ANKRD28: variants seen among roughly 807,000 people sequenced by gnomAD.
ANKRD28 encodes serine/threonine-protein phosphatase 6 regulatory ankyrin repeat subunit A.
In ANKRD28, 44 loss-of-function variants were observed where a neutral mutation model predicts 126.5. The observed-to-expected ratio is 0.35, with a 90% confidence interval of 0.27 to 0.45. ANKRD28 has a LOEUF of 0.45. Among genes scored for constraint, ANKRD28 ranks in the 20% least tolerant of loss-of-function variants. The pLI, the probability that ANKRD28 is intolerant of heterozygous loss-of-function variation, is 1.00. For synonymous variants in ANKRD28, 442 were observed against 468.5 expected (o/e 0.94, Z 0.73); for missense variants, 1,110 against 1,316.6 (o/e 0.84, Z 2.43).
At position 15,805,391 on chromosome 3, in the gene ANKRD28, C is replaced by CT. The variant is rs1031445746; in HGVS notation, c.28-10086dup. ...GAAAAGGACTCATCATTTTAGAGGT[C>CT]TTTTTTTTAAAGTTGTGATACTTTT... On this transcript the variant is annotated intron_variant, in intron 1 of 27. Coordinates refer to the ANKRD28 transcript ENST00000399451. Among the ~76,000 whole-genome samples the CT allele has an allele frequency of 2.1e-4, 32 of 151,712 alleles. 5 individuals are homozygous for CT. The highest frequency in any genetic ancestry group is 8.5e-4 in the Admixed American group (13 of 15,250).
intron 4 of ANKRD28, among the ~76,000 whole-genome samples, chr3:15,742,389 G>A (rs189518251): frequency 0.053 from 7,669 of 145,600 alleles, 599 homozygotes; most frequent in African/African-American, 0.17. Context: ...CTGCCCCGCC[G>A]CCCCGTCTGG....
intron 2 of ANKRD28, among the ~76,000 whole-genome samples, chr3:15,782,745 C>T (rs936189592): frequency 2.6e-5 from 4 of 152,080 alleles, no homozygotes; most frequent in Admixed American, 6.6e-5. Flanking sequence ...AAGTTTCAAA[C>T]AATCAGAACT....
chr3:15,685,959 G>A, intron 20 of ANKRD28, 43 bp downstream of exon 20: 1 of 1,475,486 alleles, frequency 6.8e-7, no homozygotes, highest in Non-Finnish European at 9.4e-7. Context: ...GTAATATGAG[G>A]TCATAAAAGC....
In ANKRD28 at chr3:15,846,853, T is replaced by C. The variant is rs2061541468; in HGVS notation, c.27+12524A>G. ...CAGCAGGTGGAAAAGAAAGACAATC[T>C]TTCAAGGGAGGTTTCTATTTGCCAG... On this transcript the variant is annotated intron_variant, in intron 1 of 27. Coordinates refer to the ANKRD28 transcript ENST00000399451. The surrounding 1 kb of genome is among the most constrained non-coding windows in gnomAD (Gnocchi z 5.4). Among the ~76,000 whole-genome samples, 6 of 152,178 alleles carry C rather than the reference T, an allele frequency of 3.9e-5. No homozygotes were observed. The South Asian group carries it at 1.2e-3, about 32-fold the overall frequency.
At chr3:15,731,384 G>GT (rs2074585398) in intron 6 of ANKRD28, among the ~76,000 whole-genome samples, 1 of 152,146 alleles carries the variant, frequency 6.6e-6, no homozygotes, top group African/African-American at 2.4e-5. Flanking sequence ...GCCTCTTAAC[G>GT]TAAGATGTAC....
upstream of ANKRD28, among the ~76,000 whole-genome samples, chr3:15,798,801 TGGG>T (rs2060386955): frequency 6.6e-6 from 1 of 152,050 alleles, no homozygotes; most frequent in Admixed American, 6.6e-5. Flanking sequence ...TTACCCAACA[TGGG>T]GGATATTTCT....
intron 14 of ANKRD28, among the ~76,000 whole-genome samples, chr3:15,704,614 A>G (rs1415562252): frequency 6.6e-6 from 1 of 152,244 alleles, no homozygotes; most frequent in Non-Finnish European, 1.5e-5. Flanking sequence ...TTGCTTTGGC[A>G]GAATGAGTTA....
intron 4 of ANKRD28, among the ~76,000 whole-genome samples, chr3:15,744,525 C>T (rs1384127733): frequency 6.6e-6 from 1 of 150,516 alleles, no homozygotes; most frequent in East Asian, 2.0e-4. Context: ...CCATGTTGGC[C>T]AGGCTGGTCT....
upstream of ANKRD28, among the ~76,000 whole-genome samples, chr3:15,798,884 T>A (rs1017706444): frequency 6.6e-6 from 1 of 152,140 alleles, no homozygotes; most frequent in African/African-American, 2.4e-5. Context: ...AACTAGCATT[T>A]TTATTAATAA....
chr3:15,796,495 C>T lies in ANKRD28; in HGVS notation c.27G>A (p.Leu9=). MSRVCIVV[L]EEVEDESPAF... The stretch of plus-strand genomic sequence containing the variant: ...CAGGAGATTCATCTTCTACCTCCTC[C>T]AAAACAACAATACACACTCGACTCA... The change falls in exon 1 of 28, where the codon TTG becomes TTA. Residue 9 remains leucine, a synonymous_variant. Transcript: ENST00000683139. The T allele has an allele frequency of 7.8e-7, 1 of 1,288,914 alleles. No homozygotes were observed. Among genetic ancestry groups the T allele is most frequent in the Non-Finnish European group, 1.0e-6 (1 of 988,318 alleles). The allele number at this position is 1,288,914 out of a possible 1,614,324, so 79.8% of individuals were successfully genotyped here.
At chr3:15,676,923 T>A (rs1253663306) in intron 26 of ANKRD28, 51 bp downstream of exon 26, 1 of 1,471,692 alleles carries the variant, frequency 6.8e-7, no homozygotes, top group African/African-American at 1.4e-5. Flanking sequence ...CCATTTATCA[T>A]TTTTATAATT....
rs750510224 is a variant in ANKRD28 at position 15,697,565 on chromosome 3, G to A, written c.1548-1320C>T. Among the ~76,000 whole-genome samples, 54 of 151,976 alleles carry A rather than the reference G, an allele frequency of 3.6e-4. 5 individuals carry two copies. Among genetic ancestry groups the A allele is most frequent in the Admixed American group, 9.8e-4 (15 of 15,258 alleles). On this transcript the variant is annotated intron_variant, in intron 14 of 27. Transcript: ENST00000683139. ...TGATGGATTACGTGTATTGATTTGC[G>A]TACGTTGAACCAGCCTTGCATCCCA... is the stretch of plus-strand genomic sequence containing the variant.
chr3:15,852,196 A>G (rs891372547), intron 1 of ANKRD28, among the ~76,000 whole-genome samples: 3 of 152,246 alleles, frequency 2.0e-5, no homozygotes, highest in Admixed American at 1.3e-4. Context: ...TGTGTGAATT[A>G]CATCTCAATA....
At position 15,695,098 on chromosome 3, in the gene ANKRD28, T is replaced by C. The variant is rs919598337; in HGVS notation, c.1686+90A>G. ...TTGTGCCTAATATGTAAAAACACTT[T>C]CAGCTCTAATGAGAGCAAACAGATA... On this transcript the variant is annotated intron_variant, in intron 16 of 27. Coordinates refer to ENST00000683139, the MANE Select transcript of ANKRD28 (RefSeq NM_001349278.2). The C allele has an allele frequency of 2.6e-5, 28 of 1,063,812 alleles. No homozygotes were observed. The African/African-American group carries it at 3.9e-4, about 15-fold the overall frequency. The allele number at this position is 1,063,812 out of a possible 1,614,324, so 65.9% of individuals were successfully genotyped here.
At chr3:15,741,312 G>A (rs1261730385) in intron 4 of ANKRD28, among the ~76,000 whole-genome samples, 1 of 152,044 alleles carries the variant, frequency 6.6e-6, no homozygotes, top group Non-Finnish European at 1.5e-5. Context: ...AAAAAGAAGA[G>A]GTGAATTTCT....
chr3:15,667,325 T>C lies in ANKRD28; in HGVS notation c.*2945A>G, dbSNP rs890453605. The C allele has an allele frequency of 6.6e-6, 1 of 152,224 alleles. No individual in the cohort carries two copies. Among genetic ancestry groups the C allele is most frequent in the African/African-American group, 2.4e-5 (1 of 41,458 alleles). 9.4% of individuals were successfully genotyped at this position (152,224 alleles called of 1,614,324 possible). On this transcript the variant is annotated 3_prime_UTR_variant, in exon 28 of 28. Coordinates refer to ENST00000683139, the MANE Select transcript of ANKRD28 (RefSeq NM_001349278.2). ...TTTACAGCTACACTTAGAGATCTCC[T>C]GAACTAAATGGCATTGTTTGAGATG...
chr3:15,726,615 T>C (rs1173776778), intron 6 of ANKRD28, among the ~76,000 whole-genome samples: 1 of 152,222 alleles, frequency 6.6e-6, no homozygotes, highest in Non-Finnish European at 1.5e-5. Context: ...AAAAGTGCAA[T>C]GTGAAGCAGC....
chr3:15,832,375 T>C (rs1157130478), intron 1 of ANKRD28, among the ~76,000 whole-genome samples: 1 of 152,202 alleles, frequency 6.6e-6, no homozygotes, highest in Non-Finnish European at 1.5e-5. Context: ...CAAAAGTGTC[T>C]CTCCCTACTC....
At position 15,677,487 on chromosome 3, in the gene ANKRD28, C is replaced by T. The variant is rs2067066934; in HGVS notation, c.2783G>A (p.Cys928Tyr). The T allele has an allele frequency of 6.2e-7, 1 of 1,611,026 alleles. No homozygotes were observed. The highest frequency in any genetic ancestry group is 8.5e-7 in the Non-Finnish European group (1 of 1,177,488). ...NSKNTALHLA[C>Y]SKGHETSALL... is the part of the protein sequence containing the mutation. ...CTTAAGATGTATACATACCTTGCTACAAGCCAAATGGAGGGCAGTATTTTT... is the reference window on the plus strand; with the variant it reads ...CTTAAGATGTATACATACCTTGCTATAAGCCAAATGGAGGGCAGTATTTTT... The change falls in exon 25 of 28, where the codon TGT becomes TAT. Residue 928 changes from cysteine to tyrosine, a missense_variant. Transcript: ENST00000683139.
Sources: gnomAD v4.1 joint callset for allele counts (sites outside exome capture counted in the v4.1 genomes callset) on GRCh38, gnomAD v4.1.1 for gene constraint, Gnocchi (gnomAD v3.1) non-coding constraint, MANE v1.5 for transcripts, NCBI Gene and HGNC (gene_info 2026-07-23, HGNC 2026-07-21) for gene names.